Variants in PTPN5 observed in about 807,000 individuals in gnomAD.
PTPN5 encodes the protein protein tyrosine phosphatase non-receptor type 5, also known as tyrosine-protein phosphatase non-receptor type 5.
Under a neutral mutation model 73.9 loss-of-function variants are expected in PTPN5, and 29 were observed. The ratio of observed to expected loss-of-function variants is 0.39; its 90% CI spans 0.29 to 0.54. The LOEUF (loss-of-function observed/expected upper bound fraction) is 0.54, where lower values mean the gene tolerates loss of function less well. Among genes scored for constraint, PTPN5 ranks in the 20% least tolerant of loss-of-function variants. PTPN5 has a pLI of 0.65. For synonymous variants in PTPN5, 267 were observed against 304.7 expected (o/e 0.88, Z 1.29); for missense variants, 652 against 751.4 (o/e 0.87, Z 1.55).
chr11:18,762,116 A>G, intron 3 of PTPN5, among the ~76,000 whole-genome samples: 1 of 151,748 alleles, frequency 6.6e-6, no homozygotes, highest in African/African-American at 2.4e-5. Flanking sequence ...GATGCTGAGG[A>G]CGTTTCCACC....
At chr11:18,743,139 G>A in intron 5 of PTPN5, 64 bp from the exon 6 acceptor site, 1 of 1,307,738 alleles carries the variant, frequency 7.6e-7, no homozygotes, top group Non-Finnish European at 1.1e-6. Flanking sequence ...CTCTTGCAAT[G>A]ATGACAAAAC....
rs936167589 is a variant in PTPN5 at position 18,732,768 on chromosome 11, T to G, written c.1219-66A>C. On this transcript the variant is annotated intron_variant, in intron 11 of 14. Transcript: ENST00000358540. Reference sequence around the variant, plus strand: ...CTTCCCACAACTCTCTACACTCTCTTCAGGGCCAGCGGAGAGATACACAAG... The same window carrying G: ...CTTCCCACAACTCTCTACACTCTCTGCAGGGCCAGCGGAGAGATACACAAG... The G allele has an allele frequency of 5.2e-6, 7 of 1,355,458 alleles. No homozygotes were observed. In the African/African-American group the frequency reaches 1.0e-4, roughly 19 times the overall value. The allele number at this position is 1,355,458 out of a possible 1,614,324, so 84.0% of individuals were successfully genotyped here.
At chr11:18,789,402 T>C (rs1851813668) in intron 1 of PTPN5, among the ~76,000 whole-genome samples, 2 of 152,298 alleles carry the variant, frequency 1.3e-5, no homozygotes, top group South Asian at 4.1e-4. Flanking sequence ...AAAAGGGTTA[T>C]ATACTGACAC....
At chr11:18,748,125 A>G (rs1414328743) in intron 3 of PTPN5, among the ~76,000 whole-genome samples, 1 of 152,178 alleles carries the variant, frequency 6.6e-6, no homozygotes, top group African/African-American at 2.4e-5. Context: ...GATATCAAGA[A>G]GCCTAGTCAG....
chr11:18,737,229 A>G (rs558108816), intron 9 of PTPN5, among the ~76,000 whole-genome samples: 1 of 152,338 alleles, frequency 6.6e-6, no homozygotes, highest in South Asian at 2.1e-4. Flanking sequence ...CAGGGCTGAA[A>G]GAGGAGCATC....
At chr11:18,767,135 T>C (rs989549295) in intron 2 of PTPN5, among the ~76,000 whole-genome samples, 2 of 152,198 alleles carry the variant, frequency 1.3e-5, no homozygotes, top group African/African-American at 4.8e-5. Context: ...GCTAGCATAC[T>C]TTCAGGAATT....
intron 2 of PTPN5, among the ~76,000 whole-genome samples, chr11:18,771,549 G>A (rs997464062): frequency 2.0e-4 from 30 of 152,160 alleles, no homozygotes; most frequent in Non-Finnish European, 4.0e-4. Flanking sequence ...CGACTCTGGA[G>A]CATCCTCACC....
chr11:18,738,657 C>T (rs1377057634), intron 8 of PTPN5, among the ~76,000 whole-genome samples: 2 of 152,190 alleles, frequency 1.3e-5, no homozygotes. Flanking sequence ...ACCCCCATCT[C>T]TCCAAGTTGT....
intron 1 of PTPN5, 41 bp downstream of exon 1, chr11:18,791,484 G>C (rs1489039569): frequency 6.6e-6 from 1 of 152,120 alleles, no homozygotes; most frequent in African/African-American, 2.4e-5. Context: ...TCCACCTTCC[G>C]GCTCCGCACA....
At chr11:18,749,076 T>C (rs550240513) in intron 3 of PTPN5, among the ~76,000 whole-genome samples, 1 of 152,346 alleles carries the variant, frequency 6.6e-6, no homozygotes, top group Non-Finnish European at 1.5e-5. Context: ...TGCCTCTGCA[T>C]ACGCAATTGC....
At chr11:18,768,860 C>T (rs181115358) in intron 2 of PTPN5, among the ~76,000 whole-genome samples, 108 of 152,304 alleles carry the variant, frequency 7.1e-4, no homozygotes, top group African/African-American at 2.3e-3. Context: ...AGTCTCTGGG[C>T]GCTGCCTTCC....
chr11:18,754,437 T>C (rs1049897110), intron 3 of PTPN5, among the ~76,000 whole-genome samples: 3 of 152,184 alleles, frequency 2.0e-5, no homozygotes, highest in Admixed American at 6.5e-5. Flanking sequence ...CTCTGAGTCA[T>C]GTTCTTGGCT....
At chr11:18,773,222 G>A (rs913351374) in intron 1 of PTPN5, among the ~76,000 whole-genome samples, 15 of 151,750 alleles carry the variant, frequency 9.9e-5, no homozygotes, top group Non-Finnish European at 2.1e-4. Context: ...CGGCTTGGCT[G>A]CAGGACCAAA....
At chr11:18,777,991 A>AAAGGAAGGAAGG (rs1157092227) in intron 1 of PTPN5, among the ~76,000 whole-genome samples, 65 of 92,560 alleles carry the variant, frequency 7.0e-4, no homozygotes, top group African/African-American at 2.2e-3. Flanking sequence ...AGAAAGAAAG[A>AAAGGAAGGAAGG]AAGGAAGGAA....
chr11:18,765,814 C>T lies in PTPN5; in HGVS notation c.90G>A (p.Arg30=). 1 of 1,571,670 alleles carries T rather than the reference C, an allele frequency of 6.4e-7. No homozygotes were observed. Among genetic ancestry groups the T allele is most frequent in the Non-Finnish European group, 8.6e-7 (1 of 1,157,150 alleles). Residue 30 remains arginine, a synonymous_variant, in exon 3 of 15, where the codon AGG becomes AGA. Coordinates refer to ENST00000358540, the MANE Select transcript of PTPN5 (RefSeq NM_006906.2). ...GGTGCTGAGAAGACTCACCCGGTAG[C>T]CTCTCACTGCAGCACATGTCCAGGG... is the stretch of plus-strand genomic sequence containing the variant. ...GGALDMCCSE[R]LPGLPQPIVM...
intron 8 of PTPN5, among the ~76,000 whole-genome samples, chr11:18,740,193 G>A (rs944210853): frequency 3.9e-4 from 60 of 152,138 alleles, no homozygotes; most frequent in Admixed American, 1.0e-3. Flanking sequence ...TGGTAACGAG[G>A]GGAGGCCACT....
intron 1 of PTPN5, among the ~76,000 whole-genome samples, chr11:18,790,381 T>C (rs538134693): frequency 1.3e-5 from 2 of 152,020 alleles, no homozygotes; most frequent in Admixed American, 6.6e-5. Flanking sequence ...CAGGACACAG[T>C]GGAGAAGAGG....
chr11:18,764,958 C>A (rs1413181788), intron 3 of PTPN5, among the ~76,000 whole-genome samples: 2 of 152,116 alleles, frequency 1.3e-5, no homozygotes, highest in African/African-American at 4.8e-5. Context: ...GTGATCTGCC[C>A]GCCTTGGCCT....
chr11:18,745,599 C>T (rs947047681), intron 3 of PTPN5, among the ~76,000 whole-genome samples: 5 of 152,184 alleles, frequency 3.3e-5, no homozygotes, highest in Non-Finnish European at 5.9e-5. Context: ...AGACCTCAAT[C>T]AGATGTCCCC....
Sources: gnomAD v4.1 joint callset for allele counts (sites outside exome capture counted in the v4.1 genomes callset) on GRCh38, gnomAD v4.1.1 for gene constraint, MANE v1.5 for transcripts, NCBI Gene and HGNC (gene_info 2026-07-23, HGNC 2026-07-21) for gene names.